CENPC: variants seen among roughly 807,000 people sequenced by gnomAD.
CENPC encodes the protein CENP-C 1.
In CENPC, 63 loss-of-function variants were observed where a neutral mutation model predicts 112.1. That is an observed-to-expected ratio of 0.56 (90% CI 0.46 to 0.69). The LOEUF (loss-of-function observed/expected upper bound fraction) is 0.69. Ranked by LOEUF, CENPC falls within the 30% of genes least tolerant of loss-of-function variation. The pLI, the probability that CENPC is intolerant of heterozygous loss-of-function variation, is 0.00. For missense variants in CENPC, 1,000 were observed against 1,103.8 expected, an observed-to-expected ratio of 0.91 and a Z score of 1.33; for synonymous variants, 333 against 367.6, an observed-to-expected ratio of 0.91 and a Z score of 1.08.
chr4:67,497,400 A>C (rs1175711256), intron 12 of CENPC, among the ~76,000 whole-genome samples: 1 of 152,178 alleles, frequency 6.6e-6, no homozygotes, highest in Non-Finnish European at 1.5e-5. Flanking sequence ...AAAAATAAAT[A>C]AATAAAAATA....
Position 67,470,034 on chromosome 4 carries a change from A to G in CENPC, c.*2571T>C, listed in dbSNP as rs1458701193. 1 of 152,246 alleles carries G rather than the reference A, an allele frequency of 6.6e-6. No homozygotes were observed. Among genetic ancestry groups the G allele is most frequent in the African/African-American group, 2.4e-5 (1 of 41,466 alleles). The allele number at this position is 152,246 out of a possible 1,614,324, so 9.4% of individuals were successfully genotyped here. On this transcript the variant is annotated 3_prime_UTR_variant, in exon 19 of 19. Transcript: ENST00000273853. ...ATGTGGCAAATGCAAGTAAGAAACA[A>G]TATTTTAAATTAATTTTAAATAGCT... is the stretch of plus-strand genomic sequence containing the variant.
intron 10 of CENPC, among the ~76,000 whole-genome samples, chr4:67,508,079 C>A (rs1394380910): frequency 6.6e-6 from 1 of 152,082 alleles, no homozygotes; most frequent in African/African-American, 2.4e-5. Flanking sequence ...ATATTTGGCA[C>A]ATAGTATGAA....
At chr4:67,530,963 A>G in intron 4 of CENPC, 49 bp from the exon 5 acceptor site, 1 of 869,212 alleles carries the variant, frequency 1.2e-6, no homozygotes, top group Non-Finnish European at 1.7e-6. Context: ...TAACTTACCA[A>G]TTCAATGAAA....
Position 67,471,725 on chromosome 4 carries a change from A to G in CENPC, c.*880T>C, listed in dbSNP as rs1179743170. 1.3e-5 allele frequency: 2 copies of G among 152,156 alleles called. No individual in the cohort carries two copies. The highest frequency in any genetic ancestry group is 4.8e-5 in the African/African-American group (2 of 41,432). The allele number at this position is 152,156 out of a possible 1,614,324, so 9.4% of individuals were successfully genotyped here. On this transcript the variant is annotated 3_prime_UTR_variant, in exon 19 of 19. Transcript: ENST00000273853. ...AAAAATATTTTTACCGTAAAACATC[A>G]ATTTCTTCAGAGTTAATGAGAATTA...
intron 17 of CENPC, among the ~76,000 whole-genome samples, chr4:67,477,178 G>C (rs1476607063): frequency 6.6e-6 from 1 of 152,132 alleles, no homozygotes; most frequent in Non-Finnish European, 1.5e-5. Context: ...CCTTGTATCA[G>C]CAGATGCTCT....
chr4:67,495,137 TA>T, intron 13 of CENPC, 21 bp downstream of exon 13: 1 of 1,493,892 alleles, frequency 6.7e-7, no homozygotes, highest in Non-Finnish European at 8.9e-7. Context: ...ATGAAAATAT[TA>T]AAAAAGAAAA....
rs1192680694 is a variant in CENPC, at chr4:67,469,283, T to A, written c.*3322A>T. ...AAATTTGCCCTCCTCCAACAAACTT[T>A]AAAATAGAAAAAGATAAAAGGTAAC... is the stretch of plus-strand genomic sequence containing the variant. On this transcript the variant is annotated 3_prime_UTR_variant, in exon 19 of 19. Transcript: ENST00000273853. The A allele has an allele frequency of 6.6e-6, 1 of 152,158 alleles. No individual in the cohort carries two copies. Among genetic ancestry groups the A allele is most frequent in the African/African-American group, 2.4e-5 (1 of 41,436 alleles). The allele number at this position is 152,158 out of a possible 1,614,324, so 9.4% of individuals were successfully genotyped here. A position where few individuals can be genotyped will look rare whatever the true frequency, so the allele number is the denominator to read the frequency against.
At chr4:67,528,906 T>C (rs355474) in intron 5 of CENPC, among the ~76,000 whole-genome samples, 95,818 of 152,042 alleles carry the variant, frequency 0.63, 30,461 homozygotes, top group East Asian at 0.81. Context: ...TTGTTTTCTA[T>C]GGTGGCTGCA....
chr4:67,507,033 G>A, intron 10 of CENPC, 99 bp from the exon 11 acceptor site: 1 of 772,806 alleles, frequency 1.3e-6, no homozygotes. Flanking sequence ...TGTAATATTG[G>A]CTATAACGAA....
chr4:67,495,042 G>A, intron 13 of CENPC, 117 bp downstream of exon 13: 1 of 998,392 alleles, frequency 1.0e-6, no homozygotes, highest in Non-Finnish European at 1.4e-6. Context: ...TAATTTATCT[G>A]CCAATTAATC....
intron 17 of CENPC, among the ~76,000 whole-genome samples, chr4:67,486,491 C>A (rs1651813340): frequency 6.6e-6 from 1 of 152,194 alleles, no homozygotes; most frequent in African/African-American, 2.4e-5. Flanking sequence ...CAGGTTAGCA[C>A]CACATACAGT....
chr4:67,541,098 A>G, intron 2 of CENPC, 48 bp from the exon 3 acceptor site: 1 of 1,200,590 alleles, frequency 8.3e-7, no homozygotes, highest in South Asian at 1.4e-5. Flanking sequence ...ATATTTCTTT[A>G]TATTACCATC....
chr4:67,518,558 GTATTTATCA>G (rs1726127471), intron 6 of CENPC, among the ~76,000 whole-genome samples, 190 bp from the exon 7 acceptor site: 2 of 152,032 alleles, frequency 1.3e-5, no homozygotes, highest in African/African-American at 2.4e-5. Flanking sequence ...ATTAACTTTT[GTATTTATCA>G]ATAGAAAAAC....
chr4:67,491,851 A>G (rs907809172), intron 16 of CENPC, among the ~76,000 whole-genome samples: 9 of 152,046 alleles, frequency 5.9e-5, no homozygotes, highest in Non-Finnish European at 8.8e-5. Flanking sequence ...ATCTATCTAC[A>G]ATTCCCCATA....
intron 13 of CENPC, among the ~76,000 whole-genome samples, chr4:67,494,571 T>G (rs984397445): frequency 5.3e-5 from 5 of 94,028 alleles, no homozygotes; most frequent in Non-Finnish European, 8.8e-5. Context: ...GAGAGAAAGC[T>G]TCACTCCTAT....
intron 17 of CENPC, among the ~76,000 whole-genome samples, chr4:67,485,641 C>T (rs1725075328): frequency 6.6e-6 from 1 of 152,090 alleles, no homozygotes; most frequent in Non-Finnish European, 1.5e-5. Context: ...GAATGTTTTG[C>T]CTCAGATAAT....
intron 17 of CENPC, among the ~76,000 whole-genome samples, chr4:67,480,807 A>G (rs1028782173): frequency 5.3e-5 from 8 of 152,194 alleles, no homozygotes; most frequent in Non-Finnish European, 8.8e-5. Flanking sequence ...AAGGTAATAA[A>G]AGCCATTTAT....
chr4:67,497,450 T>C (rs1043098906), intron 12 of CENPC, among the ~76,000 whole-genome samples: 2 of 152,174 alleles, frequency 1.3e-5, no homozygotes, highest in African/African-American at 4.8e-5. Flanking sequence ...AGTTCCAGAC[T>C]ACTGCAGTAA....
Position 67,505,226 on chromosome 4 carries a change from C to T in CENPC, c.2110G>A (p.Glu704Lys). The change falls in exon 12 of 19, where the codon GAG becomes AAG. Residue 704 changes from glutamate (E) to lysine (K), a missense_variant. Coordinates refer to ENST00000273853, the MANE Select transcript of CENPC (RefSeq NM_001812.4). Reference sequence around the variant, plus strand: ...TTACCTGAACTTCCATGAACTTCCTCATCATCCACATCATTCTTTCCAGAC... The same window carrying T: ...TTACCTGAACTTCCATGAACTTCCTTATCATCCACATCATTCTTTCCAGAC... Reference protein sequence around the residue: ...LMSGKNDVDDEEVHGSSDDSK... With the variant: ...LMSGKNDVDDKEVHGSSDDSK... The T allele has an allele frequency of 6.3e-7, 1 of 1,582,048 alleles. No homozygotes were observed. Among genetic ancestry groups the T allele is most frequent in the Non-Finnish European group, 8.6e-7 (1 of 1,164,220 alleles).
Sources: allele counts gnomAD v4.1 joint callset (sites outside exome capture counted in the v4.1 genomes callset), GRCh38; gene constraint gnomAD v4.1.1; transcripts MANE v1.5; gene names NCBI Gene and HGNC (gene_info 2026-07-23, HGNC 2026-07-21).